The following SORL1 variants were observed in gnomAD, a reference collection of about 807,000 sequenced individuals.
SORL1 encodes the protein sortilin related receptor 1.
SORL1 carries 127 observed loss-of-function variants against 273.7 expected under a neutral mutation model. That is an observed-to-expected ratio of 0.46 (90% CI 0.40 to 0.54). The LOEUF (loss-of-function observed/expected upper bound fraction) is 0.54. SORL1 is among the 20% of genes least tolerant of loss of function. The pLI is 0.00. For synonymous variants in SORL1, 1,031 were observed against 1,067.4 expected (o/e 0.97, Z 0.66); for missense variants, 2,494 against 2,846.1 (o/e 0.88, Z 2.81).
intron 21 of SORL1, among the ~76,000 whole-genome samples, chr11:121,564,763 G>A (rs979823748): frequency 6.6e-6 from 1 of 151,564 alleles, no homozygotes; most frequent in Non-Finnish European, 1.5e-5. Flanking sequence ...TTGTGGAGGC[G>A]GTCTTCACTA....
intron 12 of SORL1, among the ~76,000 whole-genome samples, chr11:121,539,680 T>C (rs1408992361): frequency 1.3e-5 from 2 of 152,162 alleles, no homozygotes; most frequent in Non-Finnish European, 2.9e-5. Context: ...TTTTTTTTAC[T>C]AACGAAGTCT....
intron 11 of SORL1, among the ~76,000 whole-genome samples, chr11:121,531,188 G>C (rs1862197187): frequency 6.6e-6 from 1 of 152,176 alleles, no homozygotes; most frequent in Non-Finnish European, 1.5e-5. Context: ...GAGGTCAGGA[G>C]CTCGAGACCA....
intron 4 of SORL1, 72 bp from the exon 5 acceptor site, chr11:121,489,971 G>T: frequency 1.8e-6 from 2 of 1,086,216 alleles, no homozygotes; most frequent in South Asian, 1.3e-5. Flanking sequence ...GGATTTCAGC[G>T]GGTGTTTGAT....
intron 6 of SORL1, among the ~76,000 whole-genome samples, chr11:121,502,993 C>A (rs1277147121): frequency 6.6e-6 from 1 of 152,094 alleles, no homozygotes; most frequent in African/African-American, 2.4e-5. Flanking sequence ...ATCTCAGCCT[C>A]CCAAGTAGCT....
rs560449408 is a variant in SORL1, at chr11:121,480,126, C to G, written c.528+1883C>G. On this transcript the variant is annotated intron_variant, in intron 3 of 47. Transcript: ENST00000260197. The stretch of plus-strand genomic sequence containing the variant: ...CATATGCGCCCCGCCTCTCAAGAAT[C>G]AAATTACACCTGCTGATGTGTTGTA... 2.0e-3 allele frequency among the ~76,000 whole-genome samples: 298 copies of G among 152,228 alleles called. 3 individuals carry two copies. Among genetic ancestry groups the G allele is most frequent in the African/African-American group, 6.5e-3 (271 of 41,524 alleles).
At chr11:121,519,483 C>T (rs562555837) in intron 8 of SORL1, among the ~76,000 whole-genome samples, 24 of 152,072 alleles carry the variant, frequency 1.6e-4, no homozygotes, top group African/African-American at 5.5e-4. Context: ...GCGATCTCGG[C>T]TCACTGCAAG....
intron 3 of SORL1, among the ~76,000 whole-genome samples, chr11:121,482,400 A>G (rs1861405436): frequency 6.6e-6 from 1 of 152,112 alleles, no homozygotes. Flanking sequence ...AAGTCAGGAG[A>G]AAAAAGGCTG....
chr11:121,520,549 T>G (rs906818835), intron 8 of SORL1, 108 bp from the exon 9 acceptor site: 5 of 677,244 alleles, frequency 7.4e-6, no homozygotes, highest in Non-Finnish European at 1.2e-5. Context: ...ATTGTGAATG[T>G]GCTTAATGCC....
chr11:121,464,961 A>G (rs1459408221), intron 1 of SORL1, among the ~76,000 whole-genome samples: 1 of 152,204 alleles, frequency 6.6e-6, no homozygotes, highest in East Asian at 1.9e-4. Flanking sequence ...TAGGTTCTTG[A>G]TTAGCACTTG....
chr11:121,501,396 G>T (rs1297754900), intron 6 of SORL1, among the ~76,000 whole-genome samples: 1 of 152,148 alleles, frequency 6.6e-6, no homozygotes, highest in Admixed American at 6.5e-5. Context: ...CCTGATGCTG[G>T]TAACCACTAA....
intron 23 of SORL1, among the ~76,000 whole-genome samples, chr11:121,573,800 T>C (rs1025894942): frequency 7.2e-5 from 11 of 152,212 alleles, no homozygotes; most frequent in South Asian, 2.1e-4. Context: ...GTTCCTACTG[T>C]AGAATTCTAC....
In SORL1 at chr11:121,550,711, G is replaced by A; in HGVS notation, c.2266+41G>A. The A allele has an allele frequency of 6.6e-7, 1 of 1,514,522 alleles. No individual in the cohort carries two copies. The allele number at this position is 1,514,522 out of a possible 1,614,324, so 93.8% of individuals were successfully genotyped here. On this transcript the variant is annotated intron_variant, in intron 16 of 47. Coordinates refer to ENST00000260197, the MANE Select transcript of SORL1 (RefSeq NM_003105.6). The surrounding 1 kb of genome is among the most constrained non-coding windows in gnomAD (Gnocchi z 5.3). ...TCTTCCCTTTCATTTCTTGAGACAT[G>A]GTTGAAGCAGTATCACGATCTCACC...
chr11:121,541,362 C>T (rs533503091), intron 12 of SORL1, among the ~76,000 whole-genome samples: 34 of 152,066 alleles, frequency 2.2e-4, no homozygotes, highest in African/African-American at 7.0e-4. Context: ...CACCACCACA[C>T]GTGACTAATT....
intron 6 of SORL1, among the ~76,000 whole-genome samples, chr11:121,505,242 A>G (rs4598682): frequency 0.042 from 6,412 of 152,044 alleles, 363 homozygotes; most frequent in East Asian, 0.19. Flanking sequence ...TTAATTATTC[A>G]TAGTGTTCAC....
chr11:121,514,092 TA>T, intron 7 of SORL1, 59 bp from the exon 8 acceptor site: 1 of 1,552,220 alleles, frequency 6.4e-7, no homozygotes, highest in Non-Finnish European at 8.8e-7. Context: ...GTGTGTATAG[TA>T]AAAGCCCACA....
At chr11:121,492,788 T>G (rs1565314049) in intron 5 of SORL1, among the ~76,000 whole-genome samples, 1 of 144,646 alleles carries the variant, frequency 6.9e-6, no homozygotes, top group African/African-American at 2.6e-5. Context: ...AGAACATCTT[T>G]TAATCTGCTT....
chr11:121,477,522 T>C (rs898350524), intron 2 of SORL1, among the ~76,000 whole-genome samples: 1 of 152,218 alleles, frequency 6.6e-6, no homozygotes, highest in Admixed American at 6.5e-5. Context: ...ATCATTTGTC[T>C]CCTGCTCCAG....
Position 121,550,220 on chromosome 11 carries a change from G to C in SORL1, c.2180+132G>C. On this transcript the variant is annotated intron_variant, in intron 15 of 47. Transcript: ENST00000260197. The surrounding 1 kb of genome is among the most constrained non-coding windows in gnomAD (Gnocchi z 5.3). The stretch of plus-strand genomic sequence containing the variant: ...CAAGTTAACAGCCTGCAAGTAGTTT[G>C]GGCAACATTATAAATTATGGTATTT... 3.3e-6 allele frequency: 3 copies of C among 902,874 alleles called. No homozygotes were observed. Among genetic ancestry groups the C allele is most frequent in the Non-Finnish European group, 4.9e-6 (3 of 613,504 alleles). 55.9% of individuals were successfully genotyped at this position (902,874 alleles called of 1,614,324 possible).
At chr11:121,572,913 A>C (rs1401725913) in intron 23 of SORL1, among the ~76,000 whole-genome samples, 1 of 152,152 alleles carries the variant, frequency 6.6e-6, no homozygotes, top group Non-Finnish European at 1.5e-5. Context: ...CAGGATGTCT[A>C]ACGGCAGCAT....
Sources: allele counts gnomAD v4.1 joint callset (sites outside exome capture counted in the v4.1 genomes callset), GRCh38; gene constraint gnomAD v4.1.1; non-coding constraint Gnocchi (gnomAD v3.1); transcripts MANE v1.5; gene names NCBI Gene and HGNC (gene_info 2026-07-23, HGNC 2026-07-21).